SCG5: variants seen among roughly 807,000 people sequenced by gnomAD.
The protein encoded by SCG5 is secretogranin V.
Under a neutral mutation model 25.7 loss-of-function variants are expected in SCG5, and 18 were observed. The ratio of observed to expected loss-of-function variants is 0.70; its 90% CI spans 0.48 to 1.04. The LOEUF is 1.04. Ranked by LOEUF, SCG5 falls within the 50% of genes least tolerant of loss-of-function variation. The pLI, the probability that SCG5 is intolerant of heterozygous loss-of-function variation, is 0.00. For missense variants in SCG5, 206 were observed against 259.8 expected (o/e 0.79, Z 1.42); for synonymous variants, 101 against 91.7 (o/e 1.10, Z -0.58).
chr15:32,651,093 G>C (rs2054024818), intron 2 of SCG5, among the ~76,000 whole-genome samples: 1 of 152,154 alleles, frequency 6.6e-6, no homozygotes, highest in Non-Finnish European at 1.5e-5. Flanking sequence ...CAGCTACTCG[G>C]GAGGCTGAGG....
chr15:32,692,290 C>A (rs79421869), intron 5 of SCG5: 1 of 985,084 alleles, frequency 1.0e-6, no homozygotes, highest in East Asian at 1.1e-4. Flanking sequence ...GATGTAAAAT[C>A]TACTAGATCT....
At chr15:32,679,669 G>C in intron 2 of SCG5, 97 bp from the exon 3 acceptor site, 1 of 1,323,572 alleles carries the variant, frequency 7.6e-7, no homozygotes. Flanking sequence ...CCCCACAGCA[G>C]AAGGCACAGG....
At chr15:32,644,786 T>G (rs1179694986) in intron 2 of SCG5, among the ~76,000 whole-genome samples, 1 of 152,220 alleles carries the variant, frequency 6.6e-6, no homozygotes, top group Non-Finnish European at 1.5e-5. Context: ...GAGAATTATC[T>G]CTAAAAGCAT....
At chr15:32,676,863 C>T (rs1368334201) in intron 2 of SCG5, among the ~76,000 whole-genome samples, 1 of 152,070 alleles carries the variant, frequency 6.6e-6, no homozygotes, top group African/African-American at 2.4e-5. Context: ...CTAACTAGTA[C>T]AGCATCAAAA....
chr15:32,669,525 A>C (rs149200082), intron 2 of SCG5, among the ~76,000 whole-genome samples: 4 of 152,302 alleles, frequency 2.6e-5, no homozygotes, highest in Admixed American at 2.0e-4. Flanking sequence ...TTATAAAATA[A>C]AGTTTTTAAA....
chr15:32,643,821 A>G lies in SCG5; in HGVS notation c.226+3A>G. 1 of 1,611,736 alleles carries G rather than the reference A, an allele frequency of 6.2e-7. No individual in the cohort carries two copies. Among genetic ancestry groups the G allele is most frequent in the Non-Finnish European group, 8.5e-7 (1 of 1,178,572 alleles). On this transcript the variant is annotated splice_donor_region_variant and intron_variant, in intron 2 of 5. Coordinates refer to ENST00000300175, the MANE Select transcript of SCG5 (RefSeq NM_001144757.3). ...TGTGGGCCCCCAGAGCATTGAAGGT[A>G]TTTACTGTGTTCTGATGGTTTGAAG...
intron 3 of SCG5, 74 bp from the exon 4 acceptor site, chr15:32,684,482 TG>T (rs2054669522): frequency 7.7e-6 from 7 of 913,188 alleles, no homozygotes; most frequent in Non-Finnish European, 1.2e-5. Context: ...GCTGCCTAGT[TG>T]TTTTTGATAA....
chr15:32,684,535 A>C (rs376655071), intron 3 of SCG5, 22 bp from the exon 4 acceptor site: 1 of 1,518,970 alleles, frequency 6.6e-7, no homozygotes. Flanking sequence ...GCCGTTCCTC[A>C]AAAACCTTTG....
At chr15:32,645,268 G>A (rs1363482676) in intron 2 of SCG5, among the ~76,000 whole-genome samples, 3 of 152,220 alleles carry the variant, frequency 2.0e-5, no homozygotes, top group Non-Finnish European at 4.4e-5. Context: ...GGAGTTCTCT[G>A]AGTTTCCACT....
At chr15:32,687,708 G>C (rs2054743383) in intron 4 of SCG5, among the ~76,000 whole-genome samples, 1 of 152,178 alleles carries the variant, frequency 6.6e-6, no homozygotes, top group Non-Finnish European at 1.5e-5. Context: ...TTTGACAGTA[G>C]CTGGAGCTGA....
chr15:32,688,951 T>C (rs2054783584), intron 4 of SCG5, among the ~76,000 whole-genome samples: 2 of 52,908 alleles, frequency 3.8e-5, no homozygotes, highest in African/African-American at 1.4e-4. Flanking sequence ...AGAGCAAGAC[T>C]CCGTCTCAAA....
At chr15:32,696,092 T>C (rs1401967692) in intron 5 of SCG5, among the ~76,000 whole-genome samples, 20 of 152,122 alleles carry the variant, frequency 1.3e-4, no homozygotes, top group Admixed American at 1.3e-3. Flanking sequence ...GTTAACCTAA[T>C]AGGCCAGAAA....
chr15:32,687,321 C>A (rs577629660), intron 4 of SCG5, among the ~76,000 whole-genome samples: 1 of 152,234 alleles, frequency 6.6e-6, no homozygotes, highest in East Asian at 1.9e-4. Flanking sequence ...TATTCTTTGT[C>A]CACATTAGAG....
chr15:32,657,209 A>ATATATATATATATATATATATATGTATG lies in SCG5; in HGVS notation c.226+13394_226+13395insATATATATATATATATATATGTATGTAT. On this transcript the variant is annotated intron_variant, in intron 2 of 5. Coordinates refer to ENST00000300175, the MANE Select transcript of SCG5 (RefSeq NM_001144757.3). ...TTCTTTCATCCTCCTGTATATATAT[A>ATATATATATATATATATATATATGTATG]TATGTATGTATTTCCAGGTGTAAGT... Among the ~76,000 whole-genome samples, 292 of 38,624 alleles carry ATATATATATATATATATATATATGTATG rather than the reference A, an allele frequency of 7.6e-3. 83 individuals are homozygous for ATATATATATATATATATATATATGTATG. Among genetic ancestry groups the ATATATATATATATATATATATATGTATG allele is most frequent in the South Asian group, 0.02 (15 of 764 alleles). The allele number at this position is 38,624 out of a possible 152,430, so 25.3% of individuals were successfully genotyped here. A position where few individuals can be genotyped will look rare whatever the true frequency, so the allele number is the denominator to read the frequency against.
chr15:32,657,173 T>A (rs2054130402), intron 2 of SCG5, among the ~76,000 whole-genome samples: 1 of 7,608 alleles, frequency 1.3e-4, no homozygotes, highest in African/African-American at 4.0e-4. Flanking sequence ...ATTCTCATGG[T>A]CCTTAATTCT....
intron 2 of SCG5, among the ~76,000 whole-genome samples, chr15:32,673,687 C>T (rs546852181): frequency 1.3e-5 from 2 of 152,076 alleles, no homozygotes; most frequent in African/African-American, 4.8e-5. Flanking sequence ...AGTGAGGTGA[C>T]AAAGAACATT....
intron 4 of SCG5, among the ~76,000 whole-genome samples, chr15:32,685,483 T>C (rs1409686935): frequency 1.3e-5 from 2 of 152,180 alleles, no homozygotes; most frequent in African/African-American, 2.4e-5. Flanking sequence ...AAAGAGTCCA[T>C]GTAAATAGGG....
intron 3 of SCG5, among the ~76,000 whole-genome samples, chr15:32,682,610 A>C (rs542041611): frequency 6.6e-6 from 1 of 152,266 alleles, no homozygotes; most frequent in Non-Finnish European, 1.5e-5. Context: ...CTTTCTTGTC[A>C]CAGGTTGTCT....
At chr15:32,650,668 C>T (rs1040056469) in intron 2 of SCG5, among the ~76,000 whole-genome samples, 1 of 151,976 alleles carries the variant, frequency 6.6e-6, no homozygotes, top group African/African-American at 2.4e-5. Flanking sequence ...TGATGATGGC[C>T]TTGGATGGCC....
Sources: gnomAD v4.1 joint callset for allele counts (sites outside exome capture counted in the v4.1 genomes callset) on GRCh38, gnomAD v4.1.1 for gene constraint, MANE v1.5 for transcripts, NCBI Gene and HGNC (gene_info 2026-07-23, HGNC 2026-07-21) for gene names.